Variants in FAAH2 observed in about 807,000 individuals in gnomAD.
FAAH2 encodes fatty acid amide hydrolase 2.
In FAAH2, 60 loss-of-function variants were observed where a neutral mutation model predicts 36.9. The ratio of observed to expected loss-of-function variants is 1.63; its 90% CI spans 1.32 to 2.02. The LOEUF (loss-of-function observed/expected upper bound fraction) is 2.02, where lower values mean the gene tolerates loss of function less well. Among genes scored for constraint, FAAH2 ranks in the 30% most tolerant of loss-of-function variants. The pLI, the probability that FAAH2 is intolerant of heterozygous loss-of-function variation, is 0.00. For missense variants in FAAH2, 689 were observed against 397.5 expected (o/e 1.73, Z -6.23); for synonymous variants, 214 against 143.8 (o/e 1.49, Z -3.49).
At chrX:57,479,961 C>T (rs1040961628) in intron 10 of FAAH2, among the ~76,000 whole-genome samples, 2 of 111,518 alleles carry the variant, frequency 1.8e-5, no homozygotes, top group Non-Finnish European at 3.8e-5. Flanking sequence ...ATACAAACTA[C>T]CATCAGAGAA....
intron 7 of FAAH2, among the ~76,000 whole-genome samples, chrX:57,400,326 C>T (rs1320896178): frequency 2.7e-5 from 3 of 112,333 alleles, no homozygotes; most frequent in African/African-American, 6.5e-5. Context: ...AATAATGAGG[C>T]CAACCCTTTG....
chrX:57,128,047 C>A, the FAAH2 span, among the ~76,000 whole-genome samples: 3 of 111,642 alleles, frequency 2.7e-5, no homozygotes, highest in Non-Finnish European at 1.9e-5. Flanking sequence ...TCAAGATTTT[C>A]CCCCAGCTAT....
chrX:57,319,011 G>T lies in FAAH2; in HGVS notation c.412+8282G>T, dbSNP rs1365967179. Among the ~76,000 whole-genome samples the T allele has an allele frequency of 3.6e-5, 4 of 111,368 alleles. No homozygotes were observed. The South Asian group carries it at 1.1e-3, about 32-fold the overall frequency. On this transcript the variant is annotated intron_variant, in intron 3 of 10. Transcript: ENST00000374900. Reference sequence around the variant, plus strand: ...ACTCTCAATAAAGTAGGTATTAATGGAACATATCTCAAAATAATAAGAGCT... The same window carrying T: ...ACTCTCAATAAAGTAGGTATTAATGTAACATATCTCAAAATAATAAGAGCT...
At chrX:57,176,640 G>A in the FAAH2 span, among the ~76,000 whole-genome samples, 1 of 111,544 alleles carries the variant, frequency 9.0e-6, no homozygotes, top group Non-Finnish European at 1.9e-5. Context: ...AGATGTTATA[G>A]AACCCAGTTT....
chrX:57,217,870 G>A, the FAAH2 span, among the ~76,000 whole-genome samples: 12 of 111,887 alleles, frequency 1.1e-4, no homozygotes, highest in East Asian at 2.8e-3. Context: ...ATTGCTTTTG[G>A]CAGTATGGTC....
chrX:57,444,789 G>C (rs1288929050), intron 8 of FAAH2, among the ~76,000 whole-genome samples: 1 of 111,772 alleles, frequency 8.9e-6, no homozygotes, highest in East Asian at 2.8e-4. Context: ...ATGCATTTGA[G>C]AGATTCTCAT....
the FAAH2 span, among the ~76,000 whole-genome samples, chrX:57,238,783 C>A: frequency 5.4e-5 from 6 of 111,065 alleles, no homozygotes; most frequent in East Asian, 1.4e-3. Context: ...TTTTTTTAAT[C>A]CTCATCCTCC....
chrX:57,176,232 G>A, the FAAH2 span, among the ~76,000 whole-genome samples: 3 of 105,947 alleles, frequency 2.8e-5, no homozygotes, highest in African/African-American at 6.9e-5. Flanking sequence ...TGGCCATTTT[G>A]TATAATCCCA....
upstream of FAAH2, chrX:57,286,683 C>G: frequency 1.7e-6 from 1 of 573,974 alleles, no homozygotes; most frequent in Non-Finnish European, 2.5e-6. Context: ...TGATGATAAA[C>G]AAGCTCCTGT....
At chrX:57,187,064 G>A in the FAAH2 span, among the ~76,000 whole-genome samples, 15 of 111,212 alleles carry the variant, frequency 1.3e-4, no homozygotes, top group African/African-American at 2.3e-4. Flanking sequence ...TTTTGGTTCC[G>A]TGTGAAATGT....
At chrX:57,466,852 G>A (rs1374234477) in intron 10 of FAAH2, among the ~76,000 whole-genome samples, 2 of 111,156 alleles carry the variant, frequency 1.8e-5, no homozygotes, top group Admixed American at 9.6e-5. Flanking sequence ...TACATTGTAG[G>A]CAACCATTGT....
intron 10 of FAAH2, among the ~76,000 whole-genome samples, chrX:57,449,549 G>C (rs769095931): frequency 3.9e-4 from 43 of 111,448 alleles, no homozygotes; most frequent in Non-Finnish European, 6.8e-4. Context: ...AAGGGTTGTG[G>C]AGGATGAGGG....
the FAAH2 span, among the ~76,000 whole-genome samples, chrX:57,162,548 C>G: frequency 2.7e-5 from 3 of 111,522 alleles, no homozygotes; most frequent in Non-Finnish European, 5.6e-5. Context: ...TTCTTGGAGG[C>G]TTTGCTCATT....
chrX:57,280,080 C>T, the FAAH2 span, among the ~76,000 whole-genome samples: 2 of 111,576 alleles, frequency 1.8e-5, no homozygotes, highest in Non-Finnish European at 3.8e-5. Flanking sequence ...TTAAAGATAG[C>T]TAAATAATTG....
At position 57,432,130 on chromosome X, in the gene FAAH2, G is replaced by A. The variant is rs747930670; in HGVS notation, c.1116+93G>A. The A allele has an allele frequency of 3.3e-5, 25 of 760,517 alleles. No individual in the cohort carries two copies. In the Middle Eastern group the frequency reaches 1.9e-3, roughly 58 times the overall value. The allele number at this position is 760,517 out of a possible 1,213,427, so 62.7% of individuals were successfully genotyped here. A position where few individuals can be genotyped will look rare whatever the true frequency, so the allele number is the denominator to read the frequency against. ...CCATATGTTAGAGGTGTAGAGAAAAGAAACTCATGAAAAAAATAAGTAAAA... is the reference window on the plus strand; with the variant it reads ...CCATATGTTAGAGGTGTAGAGAAAAAAAACTCATGAAAAAAATAAGTAAAA... On this transcript the variant is annotated intron_variant, in intron 8 of 10. Transcript: ENST00000374900.
chrX:57,342,768 C>T lies in FAAH2; in HGVS notation c.742+1378C>T, dbSNP rs146391256. Among the ~76,000 whole-genome samples, 72 of 110,764 alleles carry T rather than the reference C, an allele frequency of 6.5e-4. No homozygotes were observed. In the East Asian group the frequency reaches 0.013, roughly 20 times the overall value. ...GATAGGTAGTTTTTTGATCCTTGCC[C>T]TCCTCCCATCCTCCACCTTTAAGTA... On this transcript the variant is annotated intron_variant, in intron 5 of 10. Transcript: ENST00000374900.
intron 3 of FAAH2, among the ~76,000 whole-genome samples, chrX:57,327,981 T>G (rs756719701): frequency 9.0e-6 from 1 of 111,586 alleles, no homozygotes; most frequent in South Asian, 3.8e-4. Context: ...TTATCTACCT[T>G]TGGTCTTTGA....
At chrX:57,321,494 T>TA (rs1007391976) in intron 3 of FAAH2, among the ~76,000 whole-genome samples, 1 of 110,127 alleles carries the variant, frequency 9.1e-6, no homozygotes, top group Non-Finnish European at 1.9e-5. Context: ...TTATACTATT[T>TA]AAAAAAATAG....
intron 7 of FAAH2, among the ~76,000 whole-genome samples, chrX:57,382,648 G>A (rs1272243776): frequency 9.0e-6 from 1 of 111,502 alleles, no homozygotes; most frequent in African/African-American, 3.3e-5. Flanking sequence ...TCTCTGAATA[G>A]ACCAATAACA....
Sources: allele counts gnomAD v4.1 joint callset (sites outside exome capture counted in the v4.1 genomes callset), GRCh38; gene constraint gnomAD v4.1.1; transcripts MANE v1.5; gene names NCBI Gene and HGNC (gene_info 2026-07-23, HGNC 2026-07-21).